CTNND1: variants seen among roughly 807,000 people sequenced by gnomAD.
The protein encoded by CTNND1 is catenin delta-1.
A neutral mutation model predicts 112.1 loss-of-function variants in CTNND1; 16 were observed. That is an observed-to-expected ratio of 0.14 (90% CI 0.10 to 0.22). The LOEUF is 0.22. CTNND1 is among the 10% of genes least tolerant of loss of function. The probability of loss-of-function intolerance (pLI) is 1.00; values close to 1 mark genes in which losing one functional copy is unlikely to be tolerated. For missense variants in CTNND1, 1,008 were observed against 1,257.0 expected (o/e 0.80, Z 3.00); for synonymous variants, 420 against 446.5 (o/e 0.94, Z 0.75).
At chr11:57,792,761 C>T (rs1287428066) in intron 3 of CTNND1, among the ~76,000 whole-genome samples, 1 of 151,722 alleles carries the variant, frequency 6.6e-6, no homozygotes, top group Non-Finnish European at 1.5e-5. Flanking sequence ...GATCTCTTGA[C>T]CTCGTGATCC....
chr11:57,799,506 C>T (rs1402317951), intron 6 of CTNND1, among the ~76,000 whole-genome samples: 2 of 152,168 alleles, frequency 1.3e-5, no homozygotes, highest in Non-Finnish European at 2.9e-5. Context: ...AAGAGTAATA[C>T]AAGGTCAAAC....
chr11:57,804,787 G>A lies in CTNND1; in HGVS notation c.1722+7G>A, dbSNP rs1277934206. ...GAAGGATTCAGACAGCAAGGTAAGT[G>A]CTGTCTTACCTTTAATGGCTGAGTG... On this transcript the variant is annotated splice_region_variant and intron_variant, in intron 9 of 20. Coordinates refer to ENST00000399050, the MANE Select transcript of CTNND1 (RefSeq NM_001085458.2). 6.3e-7 allele frequency: 1 copy of A among 1,592,822 alleles called. No homozygotes were observed. Among genetic ancestry groups the A allele is most frequent in the South Asian group, 1.1e-5 (1 of 90,202 alleles).
intron 1 of CTNND1, among the ~76,000 whole-genome samples, chr11:57,766,973 TC>T (rs1185820433): frequency 1.3e-5 from 2 of 150,772 alleles, no homozygotes; most frequent in African/African-American, 4.9e-5. Flanking sequence ...AATTTTCTTA[TC>T]TTTTTTTTTT....
Position 57,816,590 on chromosome 11 carries a change from C to A in CTNND1, c.*282C>A, listed in dbSNP as rs2064006490. The A allele has an allele frequency of 3.9e-6, 2 of 518,632 alleles. No individual in the cohort carries two copies. The highest frequency in any genetic ancestry group is 2.4e-5 in the South Asian group (1 of 42,078). The allele number at this position is 518,632 out of a possible 1,614,324, so 32.1% of individuals were successfully genotyped here. A position where few individuals can be genotyped will look rare whatever the true frequency, so the allele number is the denominator to read the frequency against. On this transcript the variant is annotated 3_prime_UTR_variant, in exon 21 of 21. Coordinates refer to ENST00000399050, the MANE Select transcript of CTNND1 (RefSeq NM_001085458.2). The stretch of plus-strand genomic sequence containing the variant: ...TTTGAGAAACTGCTGCAGATTAGTT[C>A]TTTTTGCCAGTTTTCCCTGGAACTC...
rs545296429 is a variant in CTNND1 at position 57,775,498 on chromosome 11, G to C, written c.-214+13379G>C. Among the ~76,000 whole-genome samples, 5 of 152,266 alleles carry C rather than the reference G, an allele frequency of 3.3e-5. No individual in the cohort carries two copies. In the South Asian group the frequency reaches 1.0e-3, roughly 32 times the overall value. On this transcript the variant is annotated intron_variant, in intron 1 of 20. Transcript: ENST00000399050. ...TTAAAGATGTTACCTCTTGATTTGG[G>C]GGTTATGCCAACACTTAGCATGGTA...
chr11:57,796,751 G>C lies in CTNND1; in HGVS notation c.715G>C (p.Glu239Gln), dbSNP rs2061396716. Residue 239 changes from glutamate (E) to glutamine (Q), a missense_variant, in exon 6 of 21, where the codon GAG (glutamate) becomes CAG (glutamine). Transcript: ENST00000399050. Reference protein sequence around the residue: ...GSLSRVTRIEERYRPSMEGYR... With the variant: ...GSLSRVTRIEQRYRPSMEGYR... ...TCTGTCCCGGGTGACCCGCATTGAG[G>C]AGCGGTATAGGCCCAGCATGGAAGG... 1 of 1,613,626 alleles carries C rather than the reference G, an allele frequency of 6.2e-7. No homozygotes were observed. The highest frequency in any genetic ancestry group is 8.5e-7 in the Non-Finnish European group (1 of 1,179,730).
intron 1 of CTNND1, among the ~76,000 whole-genome samples, chr11:57,765,677 AG>A (rs2135889883): frequency 6.6e-6 from 1 of 152,108 alleles, no homozygotes; most frequent in South Asian, 2.1e-4. Flanking sequence ...TATGTAGTCC[AG>A]GCTGGTCTCA....
At chr11:57,766,132 A>G (rs1173143582) in intron 1 of CTNND1, among the ~76,000 whole-genome samples, 1 of 152,158 alleles carries the variant, frequency 6.6e-6, no homozygotes, top group East Asian at 1.9e-4. Context: ...TAAATAAATA[A>G]TAAGTATCCT....
At position 57,795,610 on chromosome 11, in the gene CTNND1, A is replaced by G. The variant is rs774265957; in HGVS notation, c.301A>G (p.Arg101Gly). The change falls in exon 5 of 21, where the codon AGG becomes GGG. Residue 101 changes from arginine to glycine, a missense_variant. This residue lies in a region of CTNND1 where 404 missense variants were observed against 457.9 expected (regional missense o/e 0.88). Coordinates refer to ENST00000399050, the MANE Select transcript of CTNND1 (RefSeq NM_001085458.2). ...HSHLLYSTIP[R>G]MQEPGQIVET... ...TCACCTTCTATATAGCACCATCCCC[A>G]GGATGCAGGAGCCGGGGCAGATTGT... 7 of 1,611,840 alleles carry G rather than the reference A, an allele frequency of 4.3e-6. No homozygotes were observed. Among genetic ancestry groups the G allele is most frequent in the Non-Finnish European group, 5.9e-6 (7 of 1,179,118 alleles).
At chr11:57,809,802 C>T (rs1018246508) in intron 15 of CTNND1, among the ~76,000 whole-genome samples, 17 of 152,146 alleles carry the variant, frequency 1.1e-4, no homozygotes, top group South Asian at 4.1e-4. Context: ...CTCCACCTCC[C>T]GGGTTCAAGT....
chr11:57,804,210 G>C (rs1437086038), intron 8 of CTNND1, among the ~76,000 whole-genome samples: 1 of 152,146 alleles, frequency 6.6e-6, no homozygotes, highest in Non-Finnish European at 1.5e-5. Context: ...GTTAGGGCAT[G>C]GGTGAGGAAG....
chr11:57,810,579 C>T (rs759697459), intron 16 of CTNND1, among the ~76,000 whole-genome samples: 25 of 152,020 alleles, frequency 1.6e-4, no homozygotes, highest in Admixed American at 7.2e-4. Flanking sequence ...CCTGCCTCGG[C>T]CTCCCAAAGT....
intron 16 of CTNND1, 143 bp downstream of exon 16, chr11:57,810,366 T>TC: frequency 1.9e-6 from 1 of 513,956 alleles, no homozygotes; most frequent in Non-Finnish European, 3.2e-6. Flanking sequence ...TCTCACTCTG[T>TC]TGCCCAGGCT....
At chr11:57,795,203 A>G (rs1403620763) in intron 4 of CTNND1, among the ~76,000 whole-genome samples, 1 of 152,180 alleles carries the variant, frequency 6.6e-6, no homozygotes, top group Non-Finnish European at 1.5e-5. Flanking sequence ...CAAGTAAATA[A>G]ATACAAGTTA....
At chr11:57,777,166 G>A (rs1954496170) in intron 1 of CTNND1, among the ~76,000 whole-genome samples, 1 of 152,112 alleles carries the variant, frequency 6.6e-6, no homozygotes, top group Non-Finnish European at 1.5e-5. Context: ...CAATGGCTGG[G>A]CTCTGCTGCT....
rs760133060 is a variant in CTNND1 at position 57,803,680 on chromosome 11, C to T, written c.1480C>T (p.Leu494=). The T allele has an allele frequency of 4.3e-6, 7 of 1,613,820 alleles. No individual in the cohort carries two copies. Among genetic ancestry groups the T allele is most frequent in the Non-Finnish European group, 5.9e-6 (7 of 1,179,824 alleles). ...SIKMEIVDHA[L]HALTDEVIIP... The stretch of plus-strand genomic sequence containing the variant: ...CAAAATGGAGATTGTGGACCATGCA[C>T]TGCATGCCTTGACAGATGAAGTGAT... The change falls in exon 8 of 21, where the codon CTG becomes TTG. Residue 494 remains leucine (L), a synonymous_variant. Transcript: ENST00000399050.
At chr11:57,767,875 C>A (rs1423827896) in intron 1 of CTNND1, among the ~76,000 whole-genome samples, 6 of 151,120 alleles carry the variant, frequency 4.0e-5, no homozygotes, top group African/African-American at 1.5e-4. Flanking sequence ...GCTCTGTCTC[C>A]CAGGCTAGAG....
At chr11:57,812,546 T>G (rs1289633496) in intron 17 of CTNND1, among the ~76,000 whole-genome samples, 3 of 152,054 alleles carry the variant, frequency 2.0e-5, no homozygotes, top group Non-Finnish European at 4.4e-5. Context: ...TCACTTTTAT[T>G]GTTTTTCTAC....
intron 1 of CTNND1, among the ~76,000 whole-genome samples, chr11:57,771,966 C>A (rs1175349057): frequency 6.7e-6 from 1 of 150,162 alleles, no homozygotes; most frequent in African/African-American, 2.4e-5. Flanking sequence ...GATACAAGGT[C>A]TGTCTCGGCA....
Sources: gnomAD v4.1 joint callset for allele counts (sites outside exome capture counted in the v4.1 genomes callset) on GRCh38, gnomAD v4.1.1 for gene constraint, gnomAD v4.1.1 regional missense constraint, MANE v1.5 for transcripts, NCBI Gene and HGNC (gene_info 2026-07-23, HGNC 2026-07-21) for gene names.